GABBR2: variants seen among roughly 807,000 people sequenced by gnomAD.
The protein encoded by GABBR2 is gamma-aminobutyric acid type B receptor subunit 2.
A neutral mutation model predicts 105.6 loss-of-function variants in GABBR2; 23 were observed. The observed-to-expected ratio is 0.22, with a 90% CI of 0.16 to 0.31. The LOEUF is 0.31. GABBR2 is among the 10% of genes least tolerant of loss of function. GABBR2 has a pLI of 1.00. For synonymous variants in GABBR2, 478 were observed against 499.7 expected, an observed-to-expected ratio of 0.96 and a Z score of 0.58; for missense variants, 734 against 1,245.5, an observed-to-expected ratio of 0.59 and a Z score of 6.18.
chr9:98,474,350 C>T (rs1290427576), intron 5 of GABBR2, among the ~76,000 whole-genome samples: 1 of 152,068 alleles, frequency 6.6e-6, no homozygotes, highest in Non-Finnish European at 1.5e-5. Context: ...TATTTTATAT[C>T]AGGAAAATCA....
intron 7 of GABBR2, among the ~76,000 whole-genome samples, chr9:98,419,622 C>T (rs1455784835): frequency 6.6e-6 from 1 of 152,098 alleles, no homozygotes; most frequent in Admixed American, 6.5e-5. Flanking sequence ...TGCGGAGGGC[C>T]CAGGTCAGGG....
chr9:98,487,861 C>A (rs1419211189), intron 4 of GABBR2, among the ~76,000 whole-genome samples: 1 of 152,170 alleles, frequency 6.6e-6, no homozygotes, highest in Non-Finnish European at 1.5e-5. Context: ...AGGGAAAATT[C>A]ACATTCCAGA....
chr9:98,387,156 G>C lies in GABBR2; in HGVS notation c.1530-1384C>G, dbSNP rs1832088378. Among the ~76,000 whole-genome samples, 4 of 152,184 alleles carry C rather than the reference G, an allele frequency of 2.6e-5. No homozygotes were observed. The South Asian group carries it at 8.3e-4, about 32-fold the overall frequency. On this transcript the variant is annotated intron_variant, in intron 10 of 18. Transcript: ENST00000259455. ...GATGGATTTAGGAAGACAGAAGTAGGGGGAGGGATTGGGAACCATAGCAAT... is the reference window on the plus strand; with the variant it reads ...GATGGATTTAGGAAGACAGAAGTAGCGGGAGGGATTGGGAACCATAGCAAT...
intron 5 of GABBR2, among the ~76,000 whole-genome samples, chr9:98,477,690 T>TA (rs1459637634): frequency 1.3e-5 from 2 of 151,740 alleles, no homozygotes; most frequent in African/African-American, 2.4e-5. Context: ...TGACACAATT[T>TA]AAAAAAAAAT....
At chr9:98,381,746 T>C (rs1050722262) in intron 11 of GABBR2, among the ~76,000 whole-genome samples, 2 of 152,160 alleles carry the variant, frequency 1.3e-5, no homozygotes, top group African/African-American at 4.8e-5. Flanking sequence ...CCCTAATATC[T>C]TTTCGGGCCC....
intron 7 of GABBR2, among the ~76,000 whole-genome samples, chr9:98,450,269 A>G (rs1250910474): frequency 6.6e-6 from 1 of 152,116 alleles, no homozygotes; most frequent in Non-Finnish European, 1.5e-5. Flanking sequence ...TCCACCTCCC[A>G]TGTTGTTTTC....
intron 16 of GABBR2, among the ~76,000 whole-genome samples, chr9:98,301,020 C>T (rs1588088226): frequency 2.0e-5 from 3 of 152,318 alleles, no homozygotes; most frequent in African/African-American, 7.2e-5. Context: ...CCCAGGGAGG[C>T]AGGGAAGCTC....
chr9:98,496,589 G>C, intron 3 of GABBR2, 75 bp from the exon 4 acceptor site: 1 of 982,144 alleles, frequency 1.0e-6, no homozygotes, highest in Non-Finnish European at 1.6e-6. Flanking sequence ...GGTCACCCTG[G>C]GGAAGTCAAT....
intron 1 of GABBR2, 60 bp downstream of exon 1, chr9:98,708,357 C>G: frequency 7.7e-7 from 1 of 1,296,972 alleles, no homozygotes; most frequent in Non-Finnish European, 9.9e-7. Context: ...TTGCCTGTGT[C>G]CAAACCACCC....
chr9:98,308,807 A>T (rs1255786750), intron 14 of GABBR2, among the ~76,000 whole-genome samples: 1 of 152,212 alleles, frequency 6.6e-6, no homozygotes, highest in Non-Finnish European at 1.5e-5. Context: ...GAAAGAATAC[A>T]TTTCTGTTTG....
rs990821534 is a variant in GABBR2, at chr9:98,306,503, C to G, written c.2005-158G>C. The G allele has an allele frequency of 1.6e-6, 1 of 641,000 alleles. No homozygotes were observed. Among genetic ancestry groups the G allele is most frequent in the Non-Finnish European group, 2.8e-6 (1 of 353,422 alleles). The allele number at this position is 641,000 out of a possible 1,614,324, so 39.7% of individuals were successfully genotyped here. On this transcript the variant is annotated intron_variant, in intron 14 of 18. Coordinates refer to ENST00000259455, the MANE Select transcript of GABBR2 (RefSeq NM_005458.8). This position sits in a 1 kb window ranked among gnomAD's most constrained non-coding sequence, Gnocchi z 5.4. Reference sequence around the variant, plus strand: ...GTCAGCCGGGTCTTCTGGATGTCACCATCTGTCCCCACTTGTGGCCCTGCT... The same window carrying G: ...GTCAGCCGGGTCTTCTGGATGTCACGATCTGTCCCCACTTGTGGCCCTGCT...
intron 7 of GABBR2, among the ~76,000 whole-genome samples, chr9:98,451,782 T>C (rs1263547813): frequency 6.6e-6 from 1 of 152,150 alleles, no homozygotes; most frequent in Non-Finnish European, 1.5e-5. Context: ...CTTCCCAGCC[T>C]CCTTATCCAG....
At chr9:98,578,202 C>G in intron 1 of GABBR2, 130 bp from the exon 2 acceptor site, 1 of 963,904 alleles carries the variant, frequency 1.0e-6, no homozygotes, top group South Asian at 1.5e-5. Context: ...GGGGAGTCTC[C>G]TTAAGCCAGC....
intron 4 of GABBR2, 135 bp from the exon 5 acceptor site, chr9:98,481,132 G>T: frequency 1.5e-6 from 1 of 683,454 alleles, no homozygotes; most frequent in Non-Finnish European, 2.7e-6. Flanking sequence ...GGGCAGGGCA[G>T]AACCTCACCC....
chr9:98,354,910 T>C (rs930019410), intron 13 of GABBR2, among the ~76,000 whole-genome samples: 1 of 152,240 alleles, frequency 6.6e-6, no homozygotes, highest in African/African-American at 2.4e-5. Flanking sequence ...TTTTGGCCTA[T>C]CTCTGCTTTC....
At chr9:98,594,139 G>C (rs1037045556) in intron 1 of GABBR2, among the ~76,000 whole-genome samples, 3 of 152,236 alleles carry the variant, frequency 2.0e-5, no homozygotes, top group African/African-American at 7.2e-5. Flanking sequence ...TTGTAAGGGG[G>C]TTCTGGGGTC....
In GABBR2 at chr9:98,548,700, A is replaced by ATCTCCC. The variant is rs1280510312; in HGVS notation, c.460-6658_460-6657insGGGAGA. 2.5e-5 allele frequency among the ~76,000 whole-genome samples: 3 copies of ATCTCCC among 119,864 alleles called. 1 individual carries two copies. The Admixed American group carries it at 2.8e-4, about 11-fold the overall frequency. 78.6% of individuals were successfully genotyped at this position (119,864 alleles called of 152,430 possible). ...CTAGTTGATATGAGTCCTGAGTCTA[A>ATCTCCC]CTCAGATTGTAGGGGAGAAAGGAAA... is the stretch of plus-strand genomic sequence containing the variant. On this transcript the variant is annotated intron_variant, in intron 2 of 18. Coordinates refer to ENST00000259455, the MANE Select transcript of GABBR2 (RefSeq NM_005458.8).
intron 1 of GABBR2, among the ~76,000 whole-genome samples, chr9:98,578,804 G>A (rs577691174): frequency 1.2e-3 from 190 of 152,294 alleles, no homozygotes; most frequent in Middle Eastern, 3.4e-3. Context: ...TCGGACACAC[G>A]CTACAACGTG....
chr9:98,373,561 G>A lies in GABBR2; in HGVS notation c.1663-1990C>T, dbSNP rs369525457. Among the ~76,000 whole-genome samples, 5 of 152,302 alleles carry A rather than the reference G, an allele frequency of 3.3e-5. No homozygotes were observed. In the South Asian group the frequency reaches 6.2e-4, roughly 19 times the overall value. ...GTTCATCTACACCTAGGAGCCGGAT[G>A]TCAAAGGACCAGGACACACCCAGAG... On this transcript the variant is annotated intron_variant, in intron 11 of 18. Coordinates refer to ENST00000259455, the MANE Select transcript of GABBR2 (RefSeq NM_005458.8).
Sources: allele counts gnomAD v4.1 joint callset (sites outside exome capture counted in the v4.1 genomes callset), GRCh38; gene constraint gnomAD v4.1.1; non-coding constraint Gnocchi (gnomAD v3.1); transcripts MANE v1.5; gene names NCBI Gene and HGNC (gene_info 2026-07-23, HGNC 2026-07-21).